The following NWD2 variants were observed in gnomAD, a reference collection of about 807,000 sequenced individuals.
NWD2 encodes NACHT and WD repeat domain-containing protein 2.
Under a neutral mutation model 132.7 loss-of-function variants are expected in NWD2, and 37 were observed. The ratio of observed to expected loss-of-function variants is 0.28; its 90% confidence interval spans 0.21 to 0.37. The LOEUF is 0.37. Among genes scored for constraint, NWD2 ranks in the 10% least tolerant of loss-of-function variants. NWD2 has a pLI of 1.00. For missense variants in NWD2, 1,592 were observed against 2,122.4 expected (o/e 0.75, Z 4.91); for synonymous variants, 705 against 803.0 (o/e 0.88, Z 2.06).
At chr4:37,320,096 G>A (rs555948960) in intron 1 of NWD2, among the ~76,000 whole-genome samples, 7 of 152,170 alleles carry the variant, frequency 4.6e-5, no homozygotes, top group Admixed American at 2.6e-4. Flanking sequence ...ATTGTGTCTT[G>A]TAATCCATGA....
At chr4:37,420,045 C>T (rs1211706976) in intron 3 of NWD2, among the ~76,000 whole-genome samples, 1 of 152,164 alleles carries the variant, frequency 6.6e-6, no homozygotes, top group Non-Finnish European at 1.5e-5. Context: ...TTTCCTCTAT[C>T]AGTTTGATAA....
At chr4:37,442,780 T>C (rs1036092111) in intron 6 of NWD2, among the ~76,000 whole-genome samples, 10 of 152,190 alleles carry the variant, frequency 6.6e-5, no homozygotes, top group African/African-American at 2.4e-4. Context: ...GCTTTCTAAT[T>C]AATTGGAAAT....
chr4:37,390,409 A>ATT (rs67944628), intron 3 of NWD2, among the ~76,000 whole-genome samples: 9 of 150,004 alleles, frequency 6.0e-5, no homozygotes, highest in Admixed American at 6.6e-5. Flanking sequence ...ATAATCTGAA[A>ATT]TTTTTTTTTT....
chr4:37,375,467 A>T (rs1204196086), intron 3 of NWD2, among the ~76,000 whole-genome samples: 2 of 151,980 alleles, frequency 1.3e-5, no homozygotes, highest in Non-Finnish European at 2.9e-5. Flanking sequence ...TTTTTTCCTG[A>T]TGAAGAGACT....
chr4:37,275,148 T>A (rs1360826751), intron 1 of NWD2, among the ~76,000 whole-genome samples: 4 of 152,190 alleles, frequency 2.6e-5, no homozygotes, highest in Non-Finnish European at 5.9e-5. Flanking sequence ...TTGTCCCTGT[T>A]TGTAAATGGC....
At chr4:37,281,774 C>T (rs1372081243) in intron 1 of NWD2, among the ~76,000 whole-genome samples, 1 of 152,044 alleles carries the variant, frequency 6.6e-6, no homozygotes, top group Non-Finnish European at 1.5e-5. Flanking sequence ...AAAGAAATTT[C>T]ATTTTCTTAT....
chr4:37,245,903 C>A (rs916911332), intron 1 of NWD2, among the ~76,000 whole-genome samples: 1 of 152,186 alleles, frequency 6.6e-6, no homozygotes, highest in East Asian at 1.9e-4. Flanking sequence ...ACCTGGTAGG[C>A]ACTCCATGAA....
chr4:37,346,205 G>A (rs1560400310), intron 2 of NWD2, among the ~76,000 whole-genome samples: 1 of 152,032 alleles, frequency 6.6e-6, no homozygotes, highest in Non-Finnish European at 1.5e-5. Context: ...GTGAGGTAGG[G>A]GCTAAGCTTC....
chr4:37,268,180 C>T (rs1185582277), intron 1 of NWD2, among the ~76,000 whole-genome samples: 1 of 151,970 alleles, frequency 6.6e-6, no homozygotes, highest in Non-Finnish European at 1.5e-5. Flanking sequence ...GGTCATCCTA[C>T]TAGCCCATTG....
At chr4:37,385,313 T>C (rs1720537673) in intron 3 of NWD2, among the ~76,000 whole-genome samples, 1 of 152,036 alleles carries the variant, frequency 6.6e-6, no homozygotes, top group African/African-American at 2.4e-5. Context: ...AGCATAGGAG[T>C]TGGACAGGTG....
chr4:37,398,252 A>G (rs995100994), intron 3 of NWD2, among the ~76,000 whole-genome samples: 1 of 152,192 alleles, frequency 6.6e-6, no homozygotes, highest in Non-Finnish European at 1.5e-5. Flanking sequence ...CATATACACC[A>G]TGGAATACTA....
intron 3 of NWD2, among the ~76,000 whole-genome samples, chr4:37,380,310 A>G (rs943882295): frequency 6.6e-6 from 1 of 152,242 alleles, no homozygotes. Context: ...TGTGTGCTGC[A>G]GTAGACAGTC....
rs764872988 is a variant in NWD2, at chr4:37,447,978, T to C, written c.*761T>C. 6.6e-6 allele frequency: 1 copy of C among 152,220 alleles called. No homozygotes were observed. The highest frequency in any genetic ancestry group is 1.5e-5 in the Non-Finnish European group (1 of 68,034). The allele number at this position is 152,220 out of a possible 1,614,324, so 9.4% of individuals were successfully genotyped here. A position where few individuals can be genotyped will look rare whatever the true frequency, so the allele number is the denominator to read the frequency against. On this transcript the variant is annotated 3_prime_UTR_variant, in exon 7 of 7. Coordinates refer to ENST00000309447, the MANE Select transcript of NWD2 (RefSeq NM_001144990.2). ...AGTAAGAAACAACAATCTTTTCGCA[T>C]CTTTTTGAAATGCATATTTGTGCTG...
Position 37,283,740 on chromosome 4 carries a change from T to C in NWD2, c.151+38522T>C, listed in dbSNP as rs114743891. Among the ~76,000 whole-genome samples, 1,385 of 152,276 alleles carry C rather than the reference T, an allele frequency of 9.1e-3. 22 individuals carry two copies. The highest frequency in any genetic ancestry group is 0.032 in the African/African-American group (1,311 of 41,542). On this transcript the variant is annotated intron_variant, in intron 1 of 6. Transcript: ENST00000309447. ...ACCAAGATTTTTCTTGATATCTCAG[T>C]AGTATCTGAGGAGTATAAGATAATT...
At chr4:37,411,757 C>A (rs559085003) in intron 3 of NWD2, among the ~76,000 whole-genome samples, 1 of 152,328 alleles carries the variant, frequency 6.6e-6, no homozygotes, top group Admixed American at 6.5e-5. Context: ...CAAACCAAAT[C>A]CAGCAGCACA....
chr4:37,369,294 G>GTA (rs2109304881), intron 3 of NWD2, among the ~76,000 whole-genome samples: 1 of 152,106 alleles, frequency 6.6e-6, no homozygotes, highest in Admixed American at 6.5e-5. Context: ...TGAATTTAAG[G>GTA]TATATAAGTG....
chr4:37,381,325 G>T (rs1326714330), intron 3 of NWD2, among the ~76,000 whole-genome samples: 1 of 152,184 alleles, frequency 6.6e-6, no homozygotes, highest in East Asian at 1.9e-4. Flanking sequence ...AGAGCCCCGG[G>T]TGTTAATCTA....
At chr4:37,402,513 A>G (rs1360403138) in intron 3 of NWD2, among the ~76,000 whole-genome samples, 2 of 152,244 alleles carry the variant, frequency 1.3e-5, no homozygotes, top group African/African-American at 2.4e-5. Context: ...AGGGAAGAAG[A>G]CAATGTGGAT....
At chr4:37,259,428 G>T (rs1717585900) in intron 1 of NWD2, among the ~76,000 whole-genome samples, 1 of 152,142 alleles carries the variant, frequency 6.6e-6, no homozygotes, top group South Asian at 2.1e-4. Flanking sequence ...GTAAATACTT[G>T]CTGAATTTTT....
Sources: allele counts gnomAD v4.1 joint callset (sites outside exome capture counted in the v4.1 genomes callset), GRCh38; gene constraint gnomAD v4.1.1; transcripts MANE v1.5; gene names NCBI Gene and HGNC (gene_info 2026-07-23, HGNC 2026-07-21).